SRPX: variants seen among roughly 807,000 people sequenced by gnomAD.
SRPX encodes sushi repeat-containing protein SRPX.
SRPX carries 24 observed loss-of-function variants against 38.1 expected under a neutral mutation model. The observed-to-expected ratio is 0.63, with a 90% CI of 0.46 to 0.89. The LOEUF (loss-of-function observed/expected upper bound fraction) is 0.89, where lower values mean the gene tolerates loss of function less well. Among genes scored for constraint, SRPX ranks in the 40% least tolerant of loss-of-function variants. The pLI is 0.00. For synonymous variants in SRPX, 184 were observed against 153.8 expected, an observed-to-expected ratio of 1.20 and a Z score of -1.45; for missense variants, 416 against 377.8, an observed-to-expected ratio of 1.10 and a Z score of -0.84.
chrX:38,219,035 G>A (rs149930802), intron 1 of SRPX, among the ~76,000 whole-genome samples: 1,806 of 105,308 alleles, frequency 0.017, 30 homozygotes, highest in African/African-American at 0.057. Flanking sequence ...GCAGCTTGCA[G>A]GCTGGCAGAG....
intron 1 of SRPX, among the ~76,000 whole-genome samples, chrX:38,202,917 C>T (rs770792264): frequency 3.7e-4 from 41 of 112,270 alleles, no homozygotes; most frequent in South Asian, 7.5e-4. Context: ...TGTCCCAACT[C>T]ATTTTACAAG....
intron 7 of SRPX, among the ~76,000 whole-genome samples, chrX:38,158,325 G>A (rs1416717754): frequency 1.8e-5 from 2 of 112,427 alleles, no homozygotes; most frequent in Non-Finnish European, 3.8e-5. Flanking sequence ...CAAGGTCAAT[G>A]AAGGATGTCG....
chrX:38,186,292 A>G (rs1938784009), intron 1 of SRPX, among the ~76,000 whole-genome samples: 1 of 110,487 alleles, frequency 9.1e-6, no homozygotes, highest in Non-Finnish European at 1.9e-5. Flanking sequence ...TTATAAGAAG[A>G]TCTCCCCAGC....
chrX:38,198,049 T>G (rs1030214521), intron 1 of SRPX, among the ~76,000 whole-genome samples: 4 of 112,326 alleles, frequency 3.6e-5, no homozygotes, highest in Non-Finnish European at 5.6e-5. Context: ...TATATGATTC[T>G]GTGAAATTGT....
intron 1 of SRPX, among the ~76,000 whole-genome samples, chrX:38,191,943 T>G (rs1938914018): frequency 8.9e-6 from 1 of 112,351 alleles, no homozygotes; most frequent in Non-Finnish European, 1.9e-5. Context: ...CTTAACACAC[T>G]AGTTTTTTAC....
Position 38,160,165 on chromosome X carries a change from C to A in SRPX, c.807G>T (p.Glu269Asp). 22 of 1,212,044 alleles carry A rather than the reference C, an allele frequency of 1.8e-5. No individual in the cohort carries two copies. Among genetic ancestry groups the A allele is most frequent in the Non-Finnish European group, 2.3e-5 (21 of 895,551 alleles). Residue 269 changes from glutamate to aspartate, a missense_variant, in exon 7 of 10, where the codon GAG (glutamate) becomes GAT (aspartate). Physicochemically the swap from Glu to Asp is conservative, Grantham distance 45. Transcript: ENST00000378533. The stretch of plus-strand genomic sequence containing the variant: ...CGCTGGAGCACTTCATGTAACCATT[C>A]TCTGGGGCATTGAGTTTGCCACAGC... Reference protein sequence around the residue: ...VKRCGKLNAPENGYMKCSSDG... With the variant: ...VKRCGKLNAPDNGYMKCSSDG...
chrX:38,160,122 C>A lies in SRPX; in HGVS notation c.850G>T (p.Ala284Ser). The A allele has an allele frequency of 3.3e-6, 4 of 1,211,925 alleles. No individual in the cohort carries two copies. The highest frequency in any genetic ancestry group is 4.5e-6 in the Non-Finnish European group (4 of 895,523). The change falls in exon 7 of 10, where the codon GCC becomes TCC. Residue 284 changes from alanine to serine, a missense_variant. Coordinates refer to ENST00000378533, the MANE Select transcript of SRPX (RefSeq NM_006307.5). ...CCGATGCAGGAGAACTCACAGGTGG[C>A]TCCATAATTATCACCGTCGCTGGAG... ...KCSSDGDNYG[A>S]TCEFSCIGGY... is the part of the protein sequence containing the mutation.
At chrX:38,175,893 A>G (rs760348450) in intron 2 of SRPX, among the ~76,000 whole-genome samples, 22 of 111,671 alleles carry the variant, frequency 2.0e-4, no homozygotes, top group African/African-American at 7.2e-4. Context: ...CCTTCCTCTA[A>G]GGGTTTTAAT....
chrX:38,170,690 G>A (rs1243730914), intron 4 of SRPX, among the ~76,000 whole-genome samples: 1 of 111,824 alleles, frequency 8.9e-6, no homozygotes, highest in Non-Finnish European at 1.9e-5. Flanking sequence ...AGGCGCATCT[G>A]GTCCAGCTTA....
chrX:38,172,618 G>A (rs1938495981), intron 3 of SRPX, among the ~76,000 whole-genome samples: 1 of 112,439 alleles, frequency 8.9e-6, no homozygotes, highest in South Asian at 3.6e-4. Context: ...ATGTGCATGA[G>A]GTTTAGTAAG....
intron 1 of SRPX, among the ~76,000 whole-genome samples, chrX:38,181,595 T>C (rs1267390023): frequency 4.5e-5 from 5 of 111,473 alleles, no homozygotes; most frequent in South Asian, 3.8e-4. Flanking sequence ...GCCTGAGTGA[T>C]AGGAGGAGTT....
intron 9 of SRPX, among the ~76,000 whole-genome samples, chrX:38,151,288 G>A (rs911932022): frequency 2.7e-5 from 3 of 111,774 alleles, no homozygotes; most frequent in Admixed American, 9.5e-5. Context: ...TTCTGAACAC[G>A]CGAATGTAGG....
intron 1 of SRPX, among the ~76,000 whole-genome samples, chrX:38,189,056 A>G (rs1230385299): frequency 9.0e-6 from 1 of 111,350 alleles, no homozygotes; most frequent in Non-Finnish European, 1.9e-5. Flanking sequence ...CAGCAAGCAG[A>G]CACTGAGTTT....
intron 9 of SRPX, among the ~76,000 whole-genome samples, chrX:38,153,333 G>A (rs1477463137): frequency 1.3e-4 from 8 of 62,723 alleles, no homozygotes; most frequent in African/African-American, 4.0e-4. Context: ...TTTTTACCTT[G>A]GTAGGAATGT....
intron 2 of SRPX, among the ~76,000 whole-genome samples, chrX:38,176,866 T>G: frequency 8.9e-6 from 1 of 112,116 alleles, no homozygotes; most frequent in Non-Finnish European, 1.9e-5. Flanking sequence ...TTTGATATAC[T>G]TATACATACT....
chrX:38,168,281 A>G (rs746447767), intron 4 of SRPX, among the ~76,000 whole-genome samples: 2 of 112,008 alleles, frequency 1.8e-5, no homozygotes, highest in South Asian at 7.5e-4. Context: ...GCTGCCATCT[A>G]AAGAAGTCCA....
chrX:38,149,669 T>C lies in SRPX; in HGVS notation c.*42A>G, dbSNP rs201194671. ...AGGCTTTCCCGTGTGCATGTCACTA[T>C]GTAGACAATGAAGAGGAATTGCCAA... On this transcript the variant is annotated 3_prime_UTR_variant, in exon 10 of 10. Transcript: ENST00000378533. 19 of 1,156,363 alleles carry C rather than the reference T, an allele frequency of 1.6e-5. 1 individual carries two copies. Among genetic ancestry groups the C allele is most frequent in the Middle Eastern group, 4.8e-4 (2 of 4,171 alleles).
At position 38,210,216 on chromosome X, in the gene SRPX, G is replaced by C. The variant is rs143454152; in HGVS notation, c.97+10480C>G. Among the ~76,000 whole-genome samples the C allele has an allele frequency of 8.3e-3, 924 of 111,809 alleles. 13 individuals are homozygous for C. The highest frequency in any genetic ancestry group is 0.029 in the African/African-American group (878 of 30,731). ...TCAGTAGCTCTGGGGTGTGGTCTGA[G>C]AATGTATATATCTACTAGGTTCCCA... On this transcript the variant is annotated intron_variant, in intron 1 of 9. Transcript: ENST00000378533.
intron 8 of SRPX, among the ~76,000 whole-genome samples, chrX:38,156,482 G>T (rs750695401): frequency 8.9e-6 from 1 of 111,784 alleles, no homozygotes; most frequent in African/African-American, 3.3e-5. Context: ...TGGATCACAC[G>T]TTGAGAACCA....
Sources: gnomAD v4.1 joint callset for allele counts (sites outside exome capture counted in the v4.1 genomes callset) on GRCh38, gnomAD v4.1.1 for gene constraint, MANE v1.5 for transcripts, NCBI Gene and HGNC (gene_info 2026-07-23, HGNC 2026-07-21) for gene names.